The following ADM2 variants were observed in gnomAD, a reference collection of about 807,000 sequenced individuals.
The protein encoded by ADM2 is adrenomedullin 2.
A neutral mutation model predicts 7.1 loss-of-function variants in ADM2; 5 were observed. The ratio of observed to expected loss-of-function variants is 0.71; its 90% CI spans 0.37 to 1.49. ADM2 has a LOEUF of 1.49. ADM2 is among the 40% of genes most tolerant of loss of function. The pLI is 0.03. For synonymous variants in ADM2, 123 were observed against 92.8 expected, an observed-to-expected ratio of 1.33 and a Z score of -1.87; for missense variants, 236 against 211.2, an observed-to-expected ratio of 1.12 and a Z score of -0.73.
chr22:50,482,203 GTCTGCTGGGGGAGGGGAGGCTGGCGGTA>G (rs2068204819), intron 2 of ADM2, among the ~76,000 whole-genome samples: 1 of 152,206 alleles, frequency 6.6e-6, no homozygotes, highest in South Asian at 2.1e-4. Context: ...TTCTGGGGGT[GTCTGCTGGGGGAGGGGAGGCTGGCGGTA>G]TCCCTGGCCG....
At position 50,483,227 on chromosome 22, in the gene ADM2, C is replaced by T. The variant is rs762811921; in HGVS notation, c.*324C>T. 9.2e-5 allele frequency: 52 copies of T among 568,060 alleles called. No homozygotes were observed. Among genetic ancestry groups the T allele is most frequent in the South Asian group, 5.2e-4 (34 of 65,528 alleles). The allele number at this position is 568,060 out of a possible 1,614,324, so 35.2% of individuals were successfully genotyped here. The stretch of plus-strand genomic sequence containing the variant: ...GAGCAGAAGCTGGGCCCTGAACACA[C>T]GGGGCCATGTCTGGACGAGCAGGGG... On this transcript the variant is annotated 3_prime_UTR_variant, in exon 3 of 3. Coordinates refer to ENST00000395737, the MANE Select transcript of ADM2 (RefSeq NM_001253845.2).
chr22:50,482,706 G>T lies in ADM2; in HGVS notation c.250G>T (p.Asp84Tyr). 1 of 1,605,754 alleles carries T rather than the reference G, an allele frequency of 6.2e-7. No homozygotes were observed. The highest frequency in any genetic ancestry group is 8.5e-7 in the Non-Finnish European group (1 of 1,176,150). ...CCCTGTTATGGGTCAGCCTCTCCGG[G>T]ATGGTGGCCGCCAACACTCGGGCCC... ...LAPVMGQPLR[D>Y]GGRQHSGPRR... is the part of the protein sequence containing the mutation. Residue 84 changes from aspartate to tyrosine, a missense_variant, in exon 3 of 3, where the codon GAT (aspartate) becomes TAT (tyrosine). Asp to Tyr is a radical substitution (Grantham distance 160). Transcript: ENST00000395737.
At chr22:50,482,012 T>G in intron 2 of ADM2, 55 bp downstream of exon 2, 1 of 1,475,560 alleles carries the variant, frequency 6.8e-7, no homozygotes, top group Non-Finnish European at 9.1e-7. Flanking sequence ...GGAAGCAGAG[T>G]GCCGGGGGCC....
rs1370996251 is a variant in ADM2, at chr22:50,483,594, C to T, written c.*691C>T. ...ACCCCAAACCATTCTGGGACAGGGA[C>T]ACCCCTTTCTACCCCAGGGCAGGGC... On this transcript the variant is annotated 3_prime_UTR_variant, in exon 3 of 3. Coordinates refer to ENST00000395737, the MANE Select transcript of ADM2 (RefSeq NM_001253845.2). 1 of 301,688 alleles carries T rather than the reference C, an allele frequency of 3.3e-6. No individual in the cohort carries two copies. The highest frequency in any genetic ancestry group is 6.6e-6 in the Non-Finnish European group (1 of 151,634). The allele number at this position is 301,688 out of a possible 1,614,324, so 18.7% of individuals were successfully genotyped here.
rs765680187 is a variant in ADM2 at position 50,483,097 on chromosome 22, A to G, written c.*194A>G. 1 of 967,562 alleles carries G rather than the reference A, an allele frequency of 1.0e-6. No homozygotes were observed. The highest frequency in any genetic ancestry group is 1.4e-5 in the South Asian group (1 of 72,040). The allele number at this position is 967,562 out of a possible 1,614,324, so 59.9% of individuals were successfully genotyped here. A position where few individuals can be genotyped will look rare whatever the true frequency, so the allele number is the denominator to read the frequency against. On this transcript the variant is annotated 3_prime_UTR_variant, in exon 3 of 3. Coordinates refer to ENST00000395737, the MANE Select transcript of ADM2 (RefSeq NM_001253845.2). ...GCAGTGCTGGTACGTCAAGGAGCCTAAACACCCTGAAATTGTGACCCCCTG... is the reference window on the plus strand; with the variant it reads ...GCAGTGCTGGTACGTCAAGGAGCCTGAACACCCTGAAATTGTGACCCCCTG...
In ADM2 at chr22:50,484,227, C is replaced by T. The variant is rs1335873553; in HGVS notation, c.*1324C>T. ...TAACTGACCTGTACTCCACGAGGCC[C>T]TGTGGGAACGGTCCAGGCTGGTCCT... On this transcript the variant is annotated 3_prime_UTR_variant, in exon 3 of 3. Transcript: ENST00000395737. The T allele has an allele frequency of 6.6e-6, 1 of 152,314 alleles. No homozygotes were observed. The highest frequency in any genetic ancestry group is 1.9e-4 in the East Asian group (1 of 5,194). 9.4% of individuals were successfully genotyped at this position (152,314 alleles called of 1,614,324 possible). A position where few individuals can be genotyped will look rare whatever the true frequency, so the allele number is the denominator to read the frequency against.
In ADM2 at chr22:50,486,124, C is replaced by A. The variant is rs1284825672; in HGVS notation, c.*3221C>A. The A allele has an allele frequency of 6.6e-6, 1 of 152,382 alleles. No homozygotes were observed. Among genetic ancestry groups the A allele is most frequent in the Admixed American group, 6.5e-5 (1 of 15,278 alleles). The allele number at this position is 152,382 out of a possible 1,614,324, so 9.4% of individuals were successfully genotyped here. On this transcript the variant is annotated 3_prime_UTR_variant, in exon 3 of 3. Transcript: ENST00000395737. ...AGTCCTTTCCTCGACGAGGCCTGAC[C>A]CCATCCCCATCCTCGCTGGGCCCGC...
chr22:50,481,593 G>A lies in ADM2; in HGVS notation c.-182G>A, dbSNP rs1488123901. 4.2e-6 allele frequency: 1 copy of A among 237,936 alleles called. No homozygotes were observed. Among genetic ancestry groups the A allele is most frequent in the Non-Finnish European group, 8.0e-6 (1 of 124,934 alleles). 14.7% of individuals were successfully genotyped at this position (237,936 alleles called of 1,614,324 possible). ...AGGTGCCATCCCGGGCCGCGACTCC[G>A]CTCCAGGCAGGACCCCCAACCCGCC... is the stretch of plus-strand genomic sequence containing the variant. On this transcript the variant is annotated 5_prime_UTR_variant, in exon 1 of 3. Coordinates refer to ENST00000395737, the MANE Select transcript of ADM2 (RefSeq NM_001253845.2).
At position 50,482,780 on chromosome 22, in the gene ADM2, G is replaced by A. The variant is rs1176106525; in HGVS notation, c.324G>A (p.Val108=). ...GGACCCAAGCCCAGCTCCTGCGAGT[G>A]GGCTGTGTGCTGGGCACCTGCCAGG... The part of the protein sequence containing the change: ...PRRTQAQLLR[V]GCVLGTCQVQ... Residue 108 remains valine, a synonymous_variant, in exon 3 of 3, where the codon GTG becomes GTA. Coordinates refer to ENST00000395737, the MANE Select transcript of ADM2 (RefSeq NM_001253845.2). 1.2e-6 allele frequency: 2 copies of A among 1,608,146 alleles called. No individual in the cohort carries two copies. Among genetic ancestry groups the A allele is most frequent in the South Asian group, 1.1e-5 (1 of 90,768 alleles).
In ADM2 at chr22:50,483,094, C is replaced by T. The variant is rs1278807047; in HGVS notation, c.*191C>T. Reference sequence around the variant, plus strand: ...CACGCAGTGCTGGTACGTCAAGGAGCCTAAACACCCTGAAATTGTGACCCC... The same window carrying T: ...CACGCAGTGCTGGTACGTCAAGGAGTCTAAACACCCTGAAATTGTGACCCC... On this transcript the variant is annotated 3_prime_UTR_variant, in exon 3 of 3. Coordinates refer to ENST00000395737, the MANE Select transcript of ADM2 (RefSeq NM_001253845.2). 2 of 980,858 alleles carry T rather than the reference C, an allele frequency of 2.0e-6. No homozygotes were observed. The highest frequency in any genetic ancestry group is 3.1e-6 in the Non-Finnish European group (2 of 640,908). 60.8% of individuals were successfully genotyped at this position (980,858 alleles called of 1,614,324 possible).
rs1459184332 is a variant in ADM2, at chr22:50,483,278, G to A, written c.*375G>A. On this transcript the variant is annotated 3_prime_UTR_variant, in exon 3 of 3. Coordinates refer to ENST00000395737, the MANE Select transcript of ADM2 (RefSeq NM_001253845.2). Reference sequence around the variant, plus strand: ...AGAGAGGCTGAACTGGCCAGAAGTGGCCCCTCCGCTGCTGGTCCAGTCAGA... The same window carrying A: ...AGAGAGGCTGAACTGGCCAGAAGTGACCCCTCCGCTGCTGGTCCAGTCAGA... The A allele has an allele frequency of 1.2e-5, 6 of 491,002 alleles. No homozygotes were observed. The highest frequency in any genetic ancestry group is 2.0e-5 in the Non-Finnish European group (5 of 249,962). The allele number at this position is 491,002 out of a possible 1,614,324, so 30.4% of individuals were successfully genotyped here.
At position 50,481,821 on chromosome 22, in the gene ADM2, G is replaced by A. The variant is rs1244050829; in HGVS notation, c.-11-16G>A. ...CTGCCCCCGACGTGCCCGGCTCACCGCCCCCTCCCCTGCAGCCCCGCCCGC... is the reference window on the plus strand; with the variant it reads ...CTGCCCCCGACGTGCCCGGCTCACCACCCCCTCCCCTGCAGCCCCGCCCGC... On this transcript the variant is annotated splice_polypyrimidine_tract_variant and intron_variant, in intron 1 of 2. Coordinates refer to ENST00000395737, the MANE Select transcript of ADM2 (RefSeq NM_001253845.2). 9.6e-6 allele frequency: 14 copies of A among 1,450,888 alleles called. No homozygotes were observed. Among genetic ancestry groups the A allele is most frequent in the South Asian group, 2.6e-5 (2 of 77,134 alleles). 89.9% of individuals were successfully genotyped at this position (1,450,888 alleles called of 1,614,324 possible). A position where few individuals can be genotyped will look rare whatever the true frequency, so the allele number is the denominator to read the frequency against.
rs1474173922 is a variant in ADM2 at position 50,486,175 on chromosome 22, CTA to C, written c.*3273_*3274del. On this transcript the variant is annotated 3_prime_UTR_variant, in exon 3 of 3. Coordinates refer to ENST00000395737, the MANE Select transcript of ADM2 (RefSeq NM_001253845.2). The stretch of plus-strand genomic sequence containing the variant: ...CGACCCCGGTGTTAGCAAGAATCCT[CTA>C]AATCAGTTTATGGAGAATTACCCAC... The C allele has an allele frequency of 6.6e-6, 1 of 152,402 alleles. No homozygotes were observed. Among genetic ancestry groups the C allele is most frequent in the Non-Finnish European group, 1.5e-5 (1 of 68,200 alleles). The allele number at this position is 152,402 out of a possible 1,614,324, so 9.4% of individuals were successfully genotyped here. A position where few individuals can be genotyped will look rare whatever the true frequency, so the allele number is the denominator to read the frequency against.
rs543656698 is a variant in ADM2, at chr22:50,484,049, C to T, written c.*1146C>T. 1 of 152,420 alleles carries T rather than the reference C, an allele frequency of 6.6e-6. No individual in the cohort carries two copies. Among genetic ancestry groups the T allele is most frequent in the Non-Finnish European group, 1.5e-5 (1 of 68,098 alleles). 9.4% of individuals were successfully genotyped at this position (152,420 alleles called of 1,614,324 possible). A position where few individuals can be genotyped will look rare whatever the true frequency, so the allele number is the denominator to read the frequency against. ...GCCATCCCACGAGGGTCGCCATGAT[C>T]ACCCCAACTCTAGAGGCCGCAGCAG... On this transcript the variant is annotated 3_prime_UTR_variant, in exon 3 of 3. Transcript: ENST00000395737.
At chr22:50,482,040 C>T in intron 2 of ADM2, 83 bp downstream of exon 2, 8 of 1,248,184 alleles carry the variant, frequency 6.4e-6, no homozygotes, top group Non-Finnish European at 8.9e-6. Flanking sequence ...CGCCCTCCCT[C>T]CACGCCTCCA....
In ADM2 at chr22:50,484,290, G is replaced by C. The variant is rs1195582835; in HGVS notation, c.*1387G>C. On this transcript the variant is annotated 3_prime_UTR_variant, in exon 3 of 3. Coordinates refer to ENST00000395737, the MANE Select transcript of ADM2 (RefSeq NM_001253845.2). ...CCTCCGTGCACTGAGAGATGTACTA[G>C]GATTGCAGCAAAGGTGGTCAGGGTG... 6.5e-6 allele frequency: 1 copy of C among 152,830 alleles called. No individual in the cohort carries two copies. Among genetic ancestry groups the C allele is most frequent in the Non-Finnish European group, 1.5e-5 (1 of 68,586 alleles). 9.5% of individuals were successfully genotyped at this position (152,830 alleles called of 1,614,324 possible).
At chr22:50,482,493 A>G (rs2068208135) in intron 2 of ADM2, 74 bp from the exon 3 acceptor site, 33 of 1,433,618 alleles carry the variant, frequency 2.3e-5, no homozygotes, top group Non-Finnish European at 2.6e-5. Flanking sequence ...GCCTGTGTAG[A>G]GGCAAAAGTG....
chr22:50,482,396 A>G (rs2148631046), intron 2 of ADM2, among the ~76,000 whole-genome samples, 171 bp from the exon 3 acceptor site: 1 of 152,194 alleles, frequency 6.6e-6, no homozygotes, highest in African/African-American at 2.4e-5. Flanking sequence ...TCCCAGGCCC[A>G]AGCCCAGAGG....
At position 50,481,900 on chromosome 22, in the gene ADM2, A is replaced by T. The variant is rs369330661; in HGVS notation, c.53A>T (p.Gln18Leu). 1 of 1,532,420 alleles carries T rather than the reference A, an allele frequency of 6.5e-7. No individual in the cohort carries two copies. The highest frequency in any genetic ancestry group is 1.4e-5 in the African/African-American group (1 of 70,618). 94.9% of individuals were successfully genotyped at this position (1,532,420 alleles called of 1,614,324 possible). ...ALGCISLLCL[Q>L]LPGSLSRSLG... Reference sequence around the variant, plus strand: ...GGTTGCATCAGCCTCCTCTGCCTGCAGCTCCCTGGCTCGCTGTCCCGCAGC... The same window carrying T: ...GGTTGCATCAGCCTCCTCTGCCTGCTGCTCCCTGGCTCGCTGTCCCGCAGC... The change falls in exon 2 of 3, where the codon CAG becomes CTG. Residue 18 changes from glutamine (Q) to leucine (L), a missense_variant. Coordinates refer to ENST00000395737, the MANE Select transcript of ADM2 (RefSeq NM_001253845.2).
Sources: gnomAD v4.1 joint callset for allele counts (sites outside exome capture counted in the v4.1 genomes callset) on GRCh38, gnomAD v4.1.1 for gene constraint, MANE v1.5 for transcripts, NCBI Gene and HGNC (gene_info 2026-07-23, HGNC 2026-07-21) for gene names.